SLC2A2: variants seen among roughly 807,000 people sequenced by gnomAD.
The protein encoded by SLC2A2 is solute carrier family 2, facilitated glucose transporter member 2.
SLC2A2 carries 36 observed loss-of-function variants against 54.5 expected under a neutral mutation model. The observed-to-expected ratio is 0.66, with a 90% confidence interval of 0.51 to 0.87. SLC2A2 has a LOEUF of 0.87. Among genes scored for constraint, SLC2A2 ranks in the 40% least tolerant of loss-of-function variants. The pLI, the probability that SLC2A2 is intolerant of heterozygous loss-of-function variation, is 0.00. For synonymous variants in SLC2A2, 223 were observed against 219.1 expected (o/e 1.02, Z -0.16); for missense variants, 543 against 624.3 (o/e 0.87, Z 1.39).
chr3:171,018,762 T>C, intron 1 of SLC2A2, 139 bp from the exon 2 acceptor site: 1 of 691,404 alleles, frequency 1.4e-6, no homozygotes, highest in Non-Finnish European at 2.6e-6. Context: ...GTATGCCCTG[T>C]GCTCCAGGCT....
rs1716438149 is a variant in SLC2A2 at position 171,021,005 on chromosome 3, T to TTA, written c.16-2384_16-2383dup. ...ACATTTTATGTTTATTACACGTGAA[T>TTA]TATATATATTATACATAAAATGCAT... On this transcript the variant is annotated intron_variant, in intron 1 of 10. Coordinates refer to ENST00000314251, the MANE Select transcript of SLC2A2 (RefSeq NM_000340.2). Among the ~76,000 whole-genome samples, 3 of 151,938 alleles carry TTA rather than the reference T, an allele frequency of 2.0e-5. No individual in the cohort carries two copies. In the South Asian group the frequency reaches 6.2e-4, roughly 32 times the overall value.
chr3:171,005,529 T>G, intron 6 of SLC2A2, 57 bp from the exon 7 acceptor site: 1 of 1,401,056 alleles, frequency 7.1e-7, no homozygotes, highest in Non-Finnish European at 1.0e-6. Flanking sequence ...AAGAAATTTA[T>G]TTTTATGTTA....
At chr3:171,025,277 T>C (rs2108267953) in intron 1 of SLC2A2, among the ~76,000 whole-genome samples, 1 of 150,616 alleles carries the variant, frequency 6.6e-6, no homozygotes, top group African/African-American at 2.4e-5. Flanking sequence ...ATATAAATGG[T>C]GCTTATATAA....
intron 1 of SLC2A2, among the ~76,000 whole-genome samples, chr3:171,022,523 C>T (rs1033341349): frequency 3.9e-5 from 6 of 152,196 alleles, no homozygotes; most frequent in Non-Finnish European, 5.9e-5. Context: ...AATTGCTCAT[C>T]GGTAGCTGAG....
intron 1 of SLC2A2, among the ~76,000 whole-genome samples, chr3:171,023,141 CTG>C (rs1716538274): frequency 6.6e-6 from 1 of 152,166 alleles, no homozygotes; most frequent in Admixed American, 6.5e-5. Flanking sequence ...TGAGGGTTGA[CTG>C]TGGTCCTGCC....
chr3:171,000,504 G>A (rs1186780989), intron 8 of SLC2A2, among the ~76,000 whole-genome samples: 1 of 150,944 alleles, frequency 6.6e-6, no homozygotes, highest in Non-Finnish European at 1.5e-5. Context: ...AGTGGCTGGA[G>A]ATGTCTTCCC....
intron 2 of SLC2A2, among the ~76,000 whole-genome samples, chr3:171,016,490 A>C (rs1267746238): frequency 6.6e-6 from 1 of 152,194 alleles, no homozygotes. Context: ...TAGAAAAAAA[A>C]GCTGAAGGAA....
At chr3:171,002,785 G>A (rs1715400098) in intron 7 of SLC2A2, 105 bp from the exon 8 acceptor site, 1 of 723,920 alleles carries the variant, frequency 1.4e-6, no homozygotes, top group Non-Finnish European at 2.5e-6. Context: ...TTCTATAGCG[G>A]CATGCACCCT....
intron 1 of SLC2A2, among the ~76,000 whole-genome samples, chr3:171,023,944 A>G (rs967346915): frequency 4.6e-5 from 7 of 152,186 alleles, no homozygotes; most frequent in African/African-American, 1.7e-4. Context: ...ATGCTGCTGG[A>G]TAAATGTGGA....
rs145193289 is a variant in SLC2A2 at position 170,999,524 on chromosome 3, A to G, written c.1069-358T>C. Among the ~76,000 whole-genome samples the G allele has an allele frequency of 1.2e-4, 18 of 152,238 alleles. No homozygotes were observed. In the East Asian group the frequency reaches 3.5e-3, roughly 29 times the overall value. Reference sequence around the variant, plus strand: ...GGGTCTCTTCCAATAGATGTCCTGTACATTTAAAATTTGAAGGTTCCACAT... The same window carrying G: ...GGGTCTCTTCCAATAGATGTCCTGTGCATTTAAAATTTGAAGGTTCCACAT... On this transcript the variant is annotated intron_variant, in intron 8 of 10. Coordinates refer to ENST00000314251, the MANE Select transcript of SLC2A2 (RefSeq NM_000340.2).
chr3:171,010,168 T>A, intron 3 of SLC2A2, 86 bp from the exon 4 acceptor site: 1 of 1,366,230 alleles, frequency 7.3e-7, no homozygotes, highest in Non-Finnish European at 1.0e-6. Flanking sequence ...AGATTTTTTT[T>A]AACCTAAGAG....
At chr3:171,020,365 A>T (rs1716395912) in intron 1 of SLC2A2, among the ~76,000 whole-genome samples, 1 of 152,098 alleles carries the variant, frequency 6.6e-6, no homozygotes, top group South Asian at 2.1e-4. Flanking sequence ...CAGATCTTCT[A>T]CTGGATTAGA....
In SLC2A2 at chr3:171,018,516, A is replaced by T; in HGVS notation, c.108+15T>A. The T allele has an allele frequency of 6.4e-7, 1 of 1,562,540 alleles. No individual in the cohort carries two copies. Among genetic ancestry groups the T allele is most frequent in the Non-Finnish European group, 8.8e-7 (1 of 1,132,948 alleles). On this transcript the variant is annotated intron_variant, in intron 2 of 10. Coordinates refer to ENST00000314251, the MANE Select transcript of SLC2A2 (RefSeq NM_000340.2). ...AGAACTTGCCAAAAAGAGAACTTCT[A>T]CATATTTCACTTGCCTGTTGAGGTG...
In SLC2A2 at chr3:170,998,087, T is replaced by C. The variant is rs1381049817; in HGVS notation, c.1391A>G (p.Tyr464Cys). 1.9e-6 allele frequency: 3 copies of C among 1,613,454 alleles called. No individual in the cohort carries two copies. The African/African-American group carries it at 4.0e-5, about 22-fold the overall frequency. Residue 464 changes from tyrosine to cysteine, a missense_variant, in exon 11 of 11, where the codon TAT becomes TGT. Coordinates refer to ENST00000314251, the MANE Select transcript of SLC2A2 (RefSeq NM_000340.2). ...FQYIADFCGP[Y>C]VFFLFAGVLL... Reference sequence around the variant, plus strand: ...CACTCCAGCAAAGAGGAAAAACACATAAGGTCCACAGAAGTCCTGGATAGA... The same window carrying C: ...CACTCCAGCAAAGAGGAAAAACACACAAGGTCCACAGAAGTCCTGGATAGA...
In SLC2A2 at chr3:171,006,077, T is replaced by C. The variant is rs573292685; in HGVS notation, c.641A>G (p.Asn214Ser). Residue 214 changes from asparagine (N) to serine (S), a missense_variant, in exon 6 of 11, where the codon AAT becomes AGT. Physicochemically the swap from Asn to Ser is conservative, Grantham distance 46 (BLOSUM62 1). Coordinates refer to ENST00000314251, the MANE Select transcript of SLC2A2 (RefSeq NM_000340.2). ...AAGCAGGATGTGCCACAGATCATAA[T>C]TGCCCAAGATAAATTCAAGACCAAT... ...QIIGLEFILG[N>S]YDLWHILLGL... 7 of 1,612,510 alleles carry C rather than the reference T, an allele frequency of 4.3e-6. No homozygotes were observed. In the African/African-American group the frequency reaches 9.3e-5, roughly 22 times the overall value.
intron 2 of SLC2A2, 116 bp from the exon 3 acceptor site, chr3:171,014,847 T>TAAAAC: frequency 1.2e-6 from 1 of 805,810 alleles, no homozygotes; most frequent in Non-Finnish European, 2.1e-6. Flanking sequence ...GTGTTTTATA[T>TAAAAC]ACATATAAAC....
At chr3:171,019,566 G>A (rs1454679041) in intron 1 of SLC2A2, among the ~76,000 whole-genome samples, 1 of 152,084 alleles carries the variant, frequency 6.6e-6, no homozygotes, top group Non-Finnish European at 1.5e-5. Flanking sequence ...CGGATACTTA[G>A]TTTAGCATTT....
intron 8 of SLC2A2, among the ~76,000 whole-genome samples, chr3:170,999,766 T>C (rs1434489289): frequency 5.9e-5 from 9 of 152,110 alleles, no homozygotes; most frequent in Admixed American, 5.9e-4. Context: ...TCTGGTATGC[T>C]TAATTGTATC....
At chr3:171,012,695 T>G (rs1375435191) in intron 3 of SLC2A2, among the ~76,000 whole-genome samples, 1 of 152,154 alleles carries the variant, frequency 6.6e-6, no homozygotes, top group Non-Finnish European at 1.5e-5. Flanking sequence ...ATGAAAATCA[T>G]GTCACTTCTC....
Sources: allele counts gnomAD v4.1 joint callset (sites outside exome capture counted in the v4.1 genomes callset), GRCh38; gene constraint gnomAD v4.1.1; transcripts MANE v1.5; gene names NCBI Gene and HGNC (gene_info 2026-07-23, HGNC 2026-07-21).